Variants in SNX13 observed in about 807,000 individuals in gnomAD.
SNX13 encodes the protein sorting nexin 13, also known as sorting nexin-13.
In SNX13, 45 loss-of-function variants were observed where a neutral mutation model predicts 133.6. That is an observed-to-expected ratio of 0.34 (90% confidence interval 0.27 to 0.43). The LOEUF (loss-of-function observed/expected upper bound fraction) is 0.43, where lower values mean the gene tolerates loss of function less well. Among genes scored for constraint, SNX13 ranks in the 20% least tolerant of loss-of-function variants. The pLI, the probability that SNX13 is intolerant of heterozygous loss-of-function variation, is 1.00. For missense variants in SNX13, 1,032 were observed against 1,145.1 expected (o/e 0.90, Z 1.43); for synonymous variants, 414 against 373.9 (o/e 1.11, Z -1.24).
intron 22 of SNX13, among the ~76,000 whole-genome samples, chr7:17,800,723 C>G (rs1340196412): frequency 6.6e-6 from 1 of 151,544 alleles, no homozygotes; most frequent in Non-Finnish European, 1.5e-5. Context: ...TAGCTAAGAA[C>G]TAAGACAGCT....
intron 1 of SNX13, chr7:17,907,408 G>A (rs953722542): frequency 6.6e-6 from 1 of 152,190 alleles, no homozygotes; most frequent in African/African-American, 2.4e-5. Flanking sequence ...CTTTGTTACA[G>A]AGAATGTAAG....
In SNX13 at chr7:17,890,358, C is replaced by T. The variant is rs200416075; in HGVS notation, c.440+5G>A. The T allele has an allele frequency of 6.2e-6, 10 of 1,607,830 alleles. No individual in the cohort carries two copies. In the East Asian group the frequency reaches 2.0e-4, roughly 32 times the overall value. ...TTCTGCATAAATACAATGTCGTGTCCTTACCTAGTAGCAAACTGAATGAGT... is the reference window on the plus strand; with the variant it reads ...TTCTGCATAAATACAATGTCGTGTCTTTACCTAGTAGCAAACTGAATGAGT... On this transcript the variant is annotated splice_donor_5th_base_variant and intron_variant, in intron 5 of 25. Coordinates refer to ENST00000428135, the MANE Select transcript of SNX13 (RefSeq NM_015132.5).
chr7:17,833,164 A>G (rs895497988), intron 15 of SNX13, among the ~76,000 whole-genome samples: 2 of 151,616 alleles, frequency 1.3e-5, no homozygotes, highest in African/African-American at 4.8e-5. Flanking sequence ...ATTTAATTAG[A>G]GCTTAATAAA....
chr7:17,823,236 A>G (rs1398646188), intron 17 of SNX13, among the ~76,000 whole-genome samples: 1 of 152,064 alleles, frequency 6.6e-6, no homozygotes. Flanking sequence ...AGCTATACTT[A>G]TAATATTGTT....
chr7:17,930,870 T>C (rs1801317905), intron 1 of SNX13, among the ~76,000 whole-genome samples: 1 of 152,080 alleles, frequency 6.6e-6, no homozygotes, highest in Non-Finnish European at 1.5e-5. Flanking sequence ...ACTACCCCTA[T>C]TGTGAAGTGC....
intron 15 of SNX13, among the ~76,000 whole-genome samples, chr7:17,832,941 G>A (rs1299453299): frequency 6.6e-6 from 1 of 151,376 alleles, no homozygotes; most frequent in Non-Finnish European, 1.5e-5. Context: ...GAGGCTGGGA[G>A]ACTTCCATAA....
intron 1 of SNX13, among the ~76,000 whole-genome samples, chr7:17,912,415 CT>C (rs34849896): frequency 1.6e-4 from 24 of 147,702 alleles, no homozygotes; most frequent in Non-Finnish European, 2.1e-4. Flanking sequence ...GAGGAAAATG[CT>C]TTTTTTTTTT....
chr7:17,890,302 C>T, intron 5 of SNX13, 61 bp downstream of exon 5: 2 of 1,524,802 alleles, frequency 1.3e-6, no homozygotes, highest in Non-Finnish European at 1.8e-6. Flanking sequence ...AAGTTGTTTT[C>T]CTTACTGGTA....
Position 17,876,574 on chromosome 7 carries a change from C to CAAAAAAAAAAAAAAAAAAAACAAAAA in SNX13, c.441-785_441-784insTTTTTGTTTTTTTTTTTTTTTTTTTT, listed in dbSNP as rs200148485. ...GAGCCTGGGAACAGAGCTATCTCAT[C>CAAAAAAAAAAAAAAAAAAAACAAAAA]AAAAAAAAAAAAAAAAGCCTTAACC... On this transcript the variant is annotated intron_variant, in intron 5 of 25. Transcript: ENST00000428135. Among the ~76,000 whole-genome samples, 2 of 120,810 alleles carry CAAAAAAAAAAAAAAAAAAAACAAAAA rather than the reference C, an allele frequency of 1.7e-5. 1 individual carries two copies. Among genetic ancestry groups the CAAAAAAAAAAAAAAAAAAAACAAAAA allele is most frequent in the Non-Finnish European group, 3.6e-5 (2 of 55,766 alleles). The allele number at this position is 120,810 out of a possible 152,430, so 79.3% of individuals were successfully genotyped here.
intron 9 of SNX13, among the ~76,000 whole-genome samples, chr7:17,855,485 G>T (rs1355285304): frequency 2.0e-5 from 3 of 152,162 alleles, no homozygotes; most frequent in African/African-American, 7.2e-5. Context: ...TGAGTATCTT[G>T]TTAGAGGCTA....
intron 13 of SNX13, among the ~76,000 whole-genome samples, chr7:17,839,551 T>C (rs1379462222): frequency 5.9e-5 from 9 of 151,998 alleles, no homozygotes. Flanking sequence ...TCCTTTTACT[T>C]TCAGCCTGTG....
chr7:17,915,095 T>G (rs542939656), intron 1 of SNX13, among the ~76,000 whole-genome samples: 6 of 152,110 alleles, frequency 3.9e-5, no homozygotes, highest in African/African-American at 1.4e-4. Flanking sequence ...AAAACAAACT[T>G]TAAACCAAAA....
chr7:17,897,847 G>C (rs1797375230), intron 1 of SNX13: 1 of 152,276 alleles, frequency 6.6e-6, no homozygotes, highest in Non-Finnish European at 1.5e-5. Context: ...TACTTACTTA[G>C]AATTAGTATT....
At chr7:17,892,690 C>A (rs1796754784) in intron 3 of SNX13, among the ~76,000 whole-genome samples, 1 of 152,016 alleles carries the variant, frequency 6.6e-6, no homozygotes, top group Non-Finnish European at 1.5e-5. Flanking sequence ...TAGCATGTAA[C>A]AGATAAATTA....
Position 17,891,600 on chromosome 7 carries a change from A to C in SNX13, c.264T>G (p.Ile88Met), listed in dbSNP as rs1189560667. ...CACCCGTCAATCTTCTATCAATCTT[A>C]ATAGTCCTGGCTTCCCGTTTCATTT... is the stretch of plus-strand genomic sequence containing the variant. ...LEEMKREART[I>M]KIDRRLTGAN... The change falls in exon 4 of 26, where the codon ATT becomes ATG. Residue 88 changes from isoleucine to methionine, a missense_variant. Physicochemically the swap from Ile to Met is conservative, Grantham distance 10 (BLOSUM62 1). Transcript: ENST00000428135. 9 of 1,612,542 alleles carry C rather than the reference A, an allele frequency of 5.6e-6. No individual in the cohort carries two copies. The highest frequency in any genetic ancestry group is 6.8e-6 in the Non-Finnish European group (8 of 1,179,040).
chr7:17,808,162 A>C (rs1785538709), intron 20 of SNX13, among the ~76,000 whole-genome samples: 1 of 152,194 alleles, frequency 6.6e-6, no homozygotes, highest in Non-Finnish European at 1.5e-5. Flanking sequence ...AACTCCTCTG[A>C]CCTAAAGGAG....
rs1784660203 is a variant in SNX13 at position 17,801,664 on chromosome 7, A to G, written c.2227-5T>C. 6.3e-7 allele frequency: 1 copy of G among 1,599,732 alleles called. No homozygotes were observed. The highest frequency in any genetic ancestry group is 1.7e-5 in the Admixed American group (1 of 58,106). On this transcript the variant is annotated splice_polypyrimidine_tract_variant and splice_region_variant and intron_variant, in intron 21 of 25. Coordinates refer to ENST00000428135, the MANE Select transcript of SNX13 (RefSeq NM_015132.5). Reference sequence around the variant, plus strand: ...CTTAGGAATTAAAGGAGGCACCTAAAAATAAAACCAAATCCACAAAGTAAA... The same window carrying G: ...CTTAGGAATTAAAGGAGGCACCTAAGAATAAAACCAAATCCACAAAGTAAA...
intron 1 of SNX13, among the ~76,000 whole-genome samples, chr7:17,929,760 T>C (rs1004480973): frequency 6.6e-6 from 1 of 152,146 alleles, no homozygotes; most frequent in Non-Finnish European, 1.5e-5. Flanking sequence ...AAAAGAAACA[T>C]ACTGGTTAGC....
At chr7:17,825,918 C>G (rs980453600) in intron 17 of SNX13, 104 bp downstream of exon 17, 4 of 733,424 alleles carry the variant, frequency 5.5e-6, no homozygotes, top group Non-Finnish European at 8.6e-6. Context: ...AAAACTATGA[C>G]TAGAGAACAA....
Sources: allele counts gnomAD v4.1 joint callset (sites outside exome capture counted in the v4.1 genomes callset), GRCh38; gene constraint gnomAD v4.1.1; transcripts MANE v1.5; gene names NCBI Gene and HGNC (gene_info 2026-07-23, HGNC 2026-07-21).